The following PRMT8 variants were observed in gnomAD, a reference collection of about 807,000 sequenced individuals.
PRMT8 encodes protein arginine methyltransferase 8, also known as protein arginine N-methyltransferase 8.
PRMT8 carries 7 observed loss-of-function variants against 47.1 expected under a neutral mutation model. That is an observed-to-expected ratio of 0.15 (90% CI 0.08 to 0.28). PRMT8 has a LOEUF of 0.28. Ranked by LOEUF, PRMT8 falls within the 10% of genes least tolerant of loss-of-function variation. The pLI, the probability that PRMT8 is intolerant of heterozygous loss-of-function variation, is 1.00. For missense variants in PRMT8, 237 were observed against 505.4 expected, an observed-to-expected ratio of 0.47 and a Z score of 5.09; for synonymous variants, 188 against 186.5, an observed-to-expected ratio of 1.01 and a Z score of -0.07.
intron 1 of PRMT8, among the ~76,000 whole-genome samples, chr12:3,443,301 A>C (rs560112431): frequency 2.6e-5 from 4 of 152,136 alleles, no homozygotes; most frequent in Non-Finnish European, 5.9e-5. Flanking sequence ...AACCAAATTC[A>C]CTATGTCCAA....
At chr12:3,423,206 A>G (rs568465445) in intron 1 of PRMT8, among the ~76,000 whole-genome samples, 2 of 152,176 alleles carry the variant, frequency 1.3e-5, no homozygotes, top group African/African-American at 4.8e-5. Context: ...TGGATCATCT[A>G]TGTGTAGACA....
intron 1 of PRMT8, among the ~76,000 whole-genome samples, chr12:3,531,665 T>A (rs1395159250): frequency 6.6e-6 from 1 of 152,082 alleles, no homozygotes; most frequent in East Asian, 1.9e-4. Context: ...AGCATGCAGC[T>A]GCTGAGGGCG....
intron 1 of PRMT8, among the ~76,000 whole-genome samples, chr12:3,426,312 C>G (rs1864604191): frequency 6.6e-6 from 1 of 152,204 alleles, no homozygotes; most frequent in African/African-American, 2.4e-5. Flanking sequence ...TGTTTTAAGT[C>G]TTTAACTTCT....
intron 1 of PRMT8, among the ~76,000 whole-genome samples, chr12:3,495,362 C>T (rs985997158): frequency 6.6e-6 from 1 of 152,194 alleles, no homozygotes; most frequent in African/African-American, 2.4e-5. Flanking sequence ...TCAATACCTG[C>T]ATCATGCAAT....
chr12:3,527,177 ATAT>A (rs912316900), intron 1 of PRMT8, among the ~76,000 whole-genome samples: 6 of 152,132 alleles, frequency 3.9e-5, no homozygotes, highest in African/African-American at 1.4e-4. Flanking sequence ...CCTTCAAGTA[ATAT>A]TATAGCACCT....
intron 1 of PRMT8, among the ~76,000 whole-genome samples, chr12:3,530,184 A>C (rs1249885113): frequency 6.6e-6 from 1 of 152,048 alleles, no homozygotes; most frequent in East Asian, 1.9e-4. Context: ...TTCTTCTGCC[A>C]CCTCTCTGCC....
At chr12:3,579,371 C>T (rs978927933) in intron 7 of PRMT8, among the ~76,000 whole-genome samples, 1 of 152,114 alleles carries the variant, frequency 6.6e-6, no homozygotes, top group Non-Finnish European at 1.5e-5. Flanking sequence ...TGTCCTGGCC[C>T]TCTCCACTCC....
chr12:3,421,573 T>G (rs1333309102), intron 1 of PRMT8, among the ~76,000 whole-genome samples: 2 of 152,174 alleles, frequency 1.3e-5, no homozygotes, highest in Non-Finnish European at 2.9e-5. Flanking sequence ...TCATATCCCA[T>G]TACCCAAATG....
intron 1 of PRMT8, among the ~76,000 whole-genome samples, chr12:3,511,048 C>T (rs79445602): frequency 6.6e-6 from 1 of 152,220 alleles, no homozygotes; most frequent in Admixed American, 6.5e-5. Flanking sequence ...TGTAGGCTTA[C>T]CCCTTAAATA....
intron 1 of PRMT8, among the ~76,000 whole-genome samples, chr12:3,435,903 T>C (rs1864736253): frequency 6.6e-6 from 1 of 152,166 alleles, no homozygotes. Flanking sequence ...CGAATTAAGC[T>C]TGATATATTT....
At chr12:3,530,448 G>C (rs1866012424) in intron 1 of PRMT8, among the ~76,000 whole-genome samples, 1 of 152,156 alleles carries the variant, frequency 6.6e-6, no homozygotes, top group African/African-American at 2.4e-5. Flanking sequence ...ATCTTCAGGA[G>C]ACAATTTGCC....
intron 2 of PRMT8, among the ~76,000 whole-genome samples, chr12:3,543,354 A>G (rs1355608641): frequency 1.3e-5 from 2 of 152,168 alleles, no homozygotes; most frequent in East Asian, 1.9e-4. Flanking sequence ...GAGAAGGCCT[A>G]CCCAGTTCTT....
intron 1 of PRMT8, among the ~76,000 whole-genome samples, chr12:3,537,044 G>A (rs1006974474): frequency 4.6e-5 from 7 of 152,202 alleles, no homozygotes; most frequent in Admixed American, 1.3e-4. Context: ...CAATTGCTGG[G>A]TTAACGGATT....
intron 1 of PRMT8, among the ~76,000 whole-genome samples, chr12:3,518,041 G>A (rs1319236838): frequency 2.0e-5 from 3 of 147,496 alleles, no homozygotes; most frequent in Admixed American, 6.7e-5. Flanking sequence ...CCCTTAAAGA[G>A]AAAAAAAAAA....
At chr12:3,428,922 C>G (rs1443118031) in intron 1 of PRMT8, among the ~76,000 whole-genome samples, 1 of 150,876 alleles carries the variant, frequency 6.6e-6, no homozygotes, top group Non-Finnish European at 1.5e-5. Context: ...TTCCTTGACT[C>G]CATCTTTGTC....
chr12:3,551,906 G>A (rs1023907721), intron 3 of PRMT8: 5 of 152,526 alleles, frequency 3.3e-5, no homozygotes, highest in African/African-American at 1.2e-4. Context: ...GACAGAGAAA[G>A]GTGCAGAGAA....
At chr12:3,437,621 GCTATATAT>G (rs1864757957) in intron 1 of PRMT8, among the ~76,000 whole-genome samples, 1 of 38,418 alleles carries the variant, frequency 2.6e-5, no homozygotes, top group African/African-American at 7.6e-5. Context: ...GTGCATTCAG[GCTATATAT>G]ATATATATAT....
chr12:3,512,573 C>G (rs541501072), intron 1 of PRMT8, among the ~76,000 whole-genome samples: 39 of 152,314 alleles, frequency 2.6e-4, no homozygotes, highest in African/African-American at 7.9e-4. Context: ...ACTCTCAACT[C>G]CCCTGCCCCA....
intron 1 of PRMT8, among the ~76,000 whole-genome samples, chr12:3,530,125 G>A (rs1866006838): frequency 6.6e-6 from 1 of 152,098 alleles, no homozygotes; most frequent in African/African-American, 2.4e-5. Context: ...CCTCCAAAGA[G>A]TATTGAGTAT....
Sources: allele counts gnomAD v4.1 joint callset (sites outside exome capture counted in the v4.1 genomes callset), GRCh38; gene constraint gnomAD v4.1.1; transcripts MANE v1.5; gene names NCBI Gene and HGNC (gene_info 2026-07-23, HGNC 2026-07-21).